SRGAP3: variants seen among roughly 807,000 people sequenced by gnomAD.
The protein encoded by SRGAP3 is SLIT-ROBO Rho GTPase activating protein 3, also known as SLIT-ROBO Rho GTPase-activating protein 3.
In SRGAP3, 39 loss-of-function variants were observed where a neutral mutation model predicts 121.1. The ratio of observed to expected loss-of-function variants is 0.32; its 90% CI spans 0.25 to 0.42. SRGAP3 has a LOEUF of 0.42. Ranked by LOEUF, SRGAP3 falls within the 10% of genes least tolerant of loss-of-function variation. The probability of loss-of-function intolerance (pLI) is 1.00; values close to 1 mark genes in which losing one functional copy is unlikely to be tolerated. For missense variants in SRGAP3, 1,213 were observed against 1,470.6 expected, an observed-to-expected ratio of 0.82 and a Z score of 2.86; for synonymous variants, 601 against 570.0, an observed-to-expected ratio of 1.05 and a Z score of -0.77.
chr3:9,277,818 C>T (rs1954611999), intron 3 of SRGAP3, among the ~76,000 whole-genome samples: 1 of 151,998 alleles, frequency 6.6e-6, no homozygotes, highest in Non-Finnish European at 1.5e-5. Flanking sequence ...TTTGTGTCCC[C>T]TCCAAAATGT....
chr3:9,264,528 G>A (rs546502942), intron 3 of SRGAP3, among the ~76,000 whole-genome samples: 1 of 152,278 alleles, frequency 6.6e-6, no homozygotes, highest in Admixed American at 6.5e-5. Flanking sequence ...CAAAGTCTCA[G>A]GTTACAAAAT....
intron 3 of SRGAP3, among the ~76,000 whole-genome samples, chr3:9,297,369 G>A (rs1320464368): frequency 6.6e-6 from 1 of 152,102 alleles, no homozygotes; most frequent in Non-Finnish European, 1.5e-5. Context: ...GGAGCTTGAA[G>A]TCAGGCAAAT....
chr3:9,011,289 G>A (rs1390456646), intron 17 of SRGAP3, among the ~76,000 whole-genome samples: 1 of 152,166 alleles, frequency 6.6e-6, no homozygotes. Flanking sequence ...TATAAAGAGT[G>A]GACAGAGAAG....
At chr3:9,059,486 GAA>G (rs1437272538) in intron 6 of SRGAP3, 1 of 152,496 alleles carries the variant, frequency 6.6e-6, no homozygotes, top group African/African-American at 2.4e-5. Flanking sequence ...GATACACCAG[GAA>G]AAGAGTCCAT....
At chr3:8,999,857 A>C (rs1942642815) in intron 18 of SRGAP3, among the ~76,000 whole-genome samples, 1 of 152,218 alleles carries the variant, frequency 6.6e-6, no homozygotes, top group Non-Finnish European at 1.5e-5. Flanking sequence ...CTCCCCAGGG[A>C]AACTCGAGAA....
intron 18 of SRGAP3, among the ~76,000 whole-genome samples, chr3:9,004,782 G>A (rs886676773): frequency 9.2e-5 from 14 of 152,168 alleles, no homozygotes; most frequent in Admixed American, 2.0e-4. Flanking sequence ...ATAGATCAAA[G>A]ATCTAAATGT....
intron 3 of SRGAP3, among the ~76,000 whole-genome samples, chr3:9,104,422 T>C (rs1575079595): frequency 6.6e-6 from 1 of 152,212 alleles, no homozygotes; most frequent in Non-Finnish European, 1.5e-5. Flanking sequence ...ATGTACTACT[T>C]ACCTAGCCAT....
At chr3:9,066,591 C>T (rs371190822) in intron 4 of SRGAP3, among the ~76,000 whole-genome samples, 5 of 152,296 alleles carry the variant, frequency 3.3e-5, no homozygotes, top group East Asian at 1.9e-4. Context: ...CCTCCACCTC[C>T]TGGGTTCAAG....
chr3:9,276,074 C>T (rs2600192), intron 3 of SRGAP3, among the ~76,000 whole-genome samples: 56,162 of 151,968 alleles, frequency 0.37, 10,668 homozygotes, highest in Non-Finnish European at 0.39. Flanking sequence ...AGGATCTCCA[C>T]TGGGTTATAA....
chr3:9,163,556 C>A (rs1291234093), intron 1 of SRGAP3, among the ~76,000 whole-genome samples: 2 of 152,174 alleles, frequency 1.3e-5, no homozygotes, highest in African/African-American at 4.8e-5. Flanking sequence ...GCCACTCAGG[C>A]CCAGCTAGAA....
Position 8,985,234 on chromosome 3 carries a change from G to T in SRGAP3, c.*285C>A, listed in dbSNP as rs1941613120. On this transcript the variant is annotated 3_prime_UTR_variant, in exon 22 of 22. Coordinates refer to ENST00000383836, the MANE Select transcript of SRGAP3 (RefSeq NM_014850.4). The surrounding 1 kb of genome is among the most constrained non-coding windows in gnomAD (Gnocchi z 5.1). ...TTTCCAGTGACGATATGCGGGAGAA[G>T]CCATGTGGTATTTTGCCTCCATGTT... 1.9e-6 allele frequency: 1 copy of T among 527,354 alleles called. No homozygotes were observed. Among genetic ancestry groups the T allele is most frequent in the African/African-American group, 1.9e-5 (1 of 51,780 alleles). 32.7% of individuals were successfully genotyped at this position (527,354 alleles called of 1,614,324 possible). A position where few individuals can be genotyped will look rare whatever the true frequency, so the allele number is the denominator to read the frequency against.
In SRGAP3 at chr3:9,184,531, A is replaced by G. The variant is rs1951535560; in HGVS notation, c.68-59614T>C. ...TCAACCATCCACGTAATCTCTTAGC[A>G]TCCAAAGGAAATGCTCAGTAAATGG... is the stretch of plus-strand genomic sequence containing the variant. On this transcript the variant is annotated intron_variant, in intron 1 of 21. Coordinates refer to ENST00000383836, the MANE Select transcript of SRGAP3 (RefSeq NM_014850.4). Among the ~76,000 whole-genome samples the G allele has an allele frequency of 2.0e-5, 3 of 152,196 alleles. No individual in the cohort carries two copies. The South Asian group carries it at 6.2e-4, about 32-fold the overall frequency.
At chr3:9,204,068 C>A (rs772910676) in intron 1 of SRGAP3, among the ~76,000 whole-genome samples, 13 of 152,204 alleles carry the variant, frequency 8.5e-5, no homozygotes, top group Non-Finnish European at 1.6e-4. Context: ...CACCACCACC[C>A]CTAGCCCTGT....
chr3:9,258,753 C>T (rs1954187817), intron 3 of SRGAP3, among the ~76,000 whole-genome samples: 1 of 152,172 alleles, frequency 6.6e-6, no homozygotes, highest in South Asian at 2.1e-4. Flanking sequence ...CTGCCTCCCT[C>T]TAGGGTTAGC....
chr3:9,233,636 T>A (rs1204616434), intron 1 of SRGAP3, among the ~76,000 whole-genome samples: 2 of 152,170 alleles, frequency 1.3e-5, no homozygotes, highest in African/African-American at 4.8e-5. Context: ...TCTGTCTAGA[T>A]CCTAAAGAGC....
chr3:9,211,966 AC>A (rs2125179299), intron 1 of SRGAP3, among the ~76,000 whole-genome samples: 1 of 151,314 alleles, frequency 6.6e-6, no homozygotes, highest in East Asian at 1.9e-4. Flanking sequence ...GTGAGCCACC[AC>A]TCCCGGCCTC....
At chr3:9,354,830 G>A (rs2030406567) in intron 1 of SRGAP3, among the ~76,000 whole-genome samples, 1 of 152,048 alleles carries the variant, frequency 6.6e-6, no homozygotes, top group Admixed American at 6.6e-5. Flanking sequence ...TCATATGCTT[G>A]TTTACTCTTT....
chr3:9,298,215 G>A (rs779893863), intron 3 of SRGAP3, among the ~76,000 whole-genome samples: 3 of 152,158 alleles, frequency 2.0e-5, no homozygotes, highest in Non-Finnish European at 2.9e-5. Context: ...TTAAATTGTG[G>A]AGAAATGTAC....
At chr3:9,226,058 A>G (rs746599229) in intron 1 of SRGAP3, among the ~76,000 whole-genome samples, 1 of 152,134 alleles carries the variant, frequency 6.6e-6, no homozygotes, top group African/African-American at 2.4e-5. Flanking sequence ...GCTCTGCATA[A>G]AAGTTCAGCT....
Sources: allele counts gnomAD v4.1 joint callset (sites outside exome capture counted in the v4.1 genomes callset), GRCh38; gene constraint gnomAD v4.1.1; non-coding constraint Gnocchi (gnomAD v3.1); transcripts MANE v1.5; gene names NCBI Gene and HGNC (gene_info 2026-07-23, HGNC 2026-07-21).